The following BRCA1 variants were observed in gnomAD, a reference collection of about 807,000 sequenced individuals.
The protein encoded by BRCA1 is BRCA1 DNA repair associated, also known as breast cancer type 1 susceptibility protein.
Under a neutral mutation model 173.7 loss-of-function variants are expected in BRCA1, and 140 were observed. That is an observed-to-expected ratio of 0.81 (90% CI 0.70 to 0.93). BRCA1 has a LOEUF of 0.93. Ranked by LOEUF, BRCA1 falls within the 40% of genes least tolerant of loss-of-function variation. The pLI, the probability that BRCA1 is intolerant of heterozygous loss-of-function variation, is 0.00. For missense variants in BRCA1, 1,983 were observed against 2,172.5 expected, an observed-to-expected ratio of 0.91 and a Z score of 1.73; for synonymous variants, 662 against 756.0, an observed-to-expected ratio of 0.88 and a Z score of 2.04.
At chr17:43,100,152 C>G (rs1488214895) in intron 6 of BRCA1, among the ~76,000 whole-genome samples, 1 of 152,162 alleles carries the variant, frequency 6.6e-6, no homozygotes, top group East Asian at 1.9e-4. Context: ...CAGAGTGAGA[C>G]CCAGTCTCTA....
At chr17:43,051,691 T>C (rs2051246431) in intron 19 of BRCA1, among the ~76,000 whole-genome samples, 1 of 151,290 alleles carries the variant, frequency 6.6e-6, no homozygotes, top group Non-Finnish European at 1.5e-5. Context: ...GGCTGGAGCG[T>C]AGTGGTGCGA....
intron 1 of BRCA1, among the ~76,000 whole-genome samples, chr17:43,143,091 T>C (rs2056091694): frequency 6.7e-6 from 1 of 150,180 alleles, no homozygotes; most frequent in South Asian, 2.1e-4. Flanking sequence ...TGTGTATATT[T>C]ATTTATTTAT....
At chr17:43,151,802 G>A (rs2056163771) in intron 1 of BRCA1, among the ~76,000 whole-genome samples, 5 of 152,152 alleles carry the variant, frequency 3.3e-5, no homozygotes, top group Admixed American at 3.3e-4. Context: ...AGGCTGAGGA[G>A]GGAAGATCAC....
At position 43,091,858 on chromosome 17, in the gene BRCA1, A is replaced by T. The variant is rs1382025345; in HGVS notation, c.3673T>A (p.Cys1225Ser). Reference protein sequence around the residue: ...NLSSEDEELPCFQHLLFGKVN... With the variant: ...NLSSEDEELPSFQHLLFGKVN... ...TTACCAAATAACAAGTGTTGGAAGC[A>T]GGGAAGCTCTTCATCCTCACTAGAT... The change falls in exon 10 of 23, where the codon TGC (cysteine) becomes AGC (serine). Residue 1225 changes from cysteine to serine, a missense_variant. Coordinates refer to ENST00000357654, the MANE Select transcript of BRCA1 (RefSeq NM_007294.4). The T allele has an allele frequency of 6.2e-7, 1 of 1,614,108 alleles. No homozygotes were observed. The highest frequency in any genetic ancestry group is 8.5e-7 in the Non-Finnish European group (1 of 1,180,042).
At chr17:43,157,790 AG>A (rs2056206954) in intron 1 of BRCA1, among the ~76,000 whole-genome samples, 1 of 152,126 alleles carries the variant, frequency 6.6e-6, no homozygotes, top group Non-Finnish European at 1.5e-5. Context: ...TGAGGCTGGG[AG>A]TTTGAGACCA....
At chr17:43,069,171 T>C (rs1296639755) in intron 15 of BRCA1, among the ~76,000 whole-genome samples, 1 of 152,250 alleles carries the variant, frequency 6.6e-6, no homozygotes, top group East Asian at 1.9e-4. Flanking sequence ...CTCCCCCTTT[T>C]GCTACCACCC....
At chr17:43,048,495 G>A (rs571419990) in intron 21 of BRCA1, among the ~76,000 whole-genome samples, 6 of 146,406 alleles carry the variant, frequency 4.1e-5, no homozygotes, top group East Asian at 2.1e-4. Flanking sequence ...GTGAGCCACC[G>A]CACCTAGCTT....
intron 1 of BRCA1, chr17:43,132,765 ATTTTATTTTT>A (rs1567827650): frequency 8.1e-6 from 1 of 123,524 alleles, no homozygotes; most frequent in Non-Finnish European, 1.7e-5. Flanking sequence ...TCTTTATTTT[ATTTTATTTTT>A]TTTTTTGAGA....
chr17:43,092,452 T>C lies in BRCA1; in HGVS notation c.3079A>G (p.Ser1027Gly). 6.2e-7 allele frequency: 1 copy of C among 1,614,044 alleles called. No individual in the cohort carries two copies. Among genetic ancestry groups the C allele is most frequent in the Non-Finnish European group, 8.5e-7 (1 of 1,180,002 alleles). Residue 1027 changes from serine to glycine, a missense_variant, in exon 10 of 23, where the codon AGC becomes GGC. Coordinates refer to ENST00000357654, the MANE Select transcript of BRCA1 (RefSeq NM_007294.4). ...ENIPSTVSTI[S>G]RNNIRENVFK... ...ACATTTTCTCTAATGTTATTACGGC[T>C]AATTGTGCTCACTGTACTTGGAATG...
upstream of BRCA1, among the ~76,000 whole-genome samples, chr17:43,127,800 G>A (rs2055926068): frequency 6.6e-6 from 1 of 151,928 alleles, no homozygotes; most frequent in Admixed American, 6.6e-5. Context: ...CTAGAGGGGT[G>A]GATCACGAGG....
At chr17:43,107,851 C>T (rs900799759) in intron 3 of BRCA1, among the ~76,000 whole-genome samples, 3 of 152,094 alleles carry the variant, frequency 2.0e-5, no homozygotes, top group South Asian at 2.1e-4. Context: ...TTAAAAGCAG[C>T]GATTCACTCA....
chr17:43,101,346 G>A (rs1345747738), intron 6 of BRCA1, among the ~76,000 whole-genome samples: 2 of 151,724 alleles, frequency 1.3e-5, no homozygotes, highest in Non-Finnish European at 2.9e-5. Context: ...ACATGCGCAC[G>A]CCACCATGCC....
At chr17:43,129,674 C>T (rs778961005), upstream of BRCA1, among the ~76,000 whole-genome samples, 1 of 152,166 alleles carries the variant, frequency 6.6e-6, no homozygotes, top group South Asian at 2.1e-4. Context: ...GGGGGTTTCA[C>T]CGCGTTAGCC....
At chr17:43,067,254 C>T (rs866372186) in intron 16 of BRCA1, 3 of 240,360 alleles carry the variant, frequency 1.2e-5, no homozygotes, top group South Asian at 5.3e-5. Context: ...TATTTTTTCA[C>T]GTTTTTTTTT....
chr17:43,047,591 C>G (rs898858577), intron 22 of BRCA1, 52 bp downstream of exon 22: 5 of 1,595,244 alleles, frequency 3.1e-6, no homozygotes, highest in Non-Finnish European at 4.3e-6. Flanking sequence ...AGTGATAAAC[C>G]AAACCCATGC....
chr17:43,074,452 C>T lies in BRCA1; in HGVS notation c.4554G>A (p.Gln1518=), dbSNP rs786202635. The change falls in exon 14 of 23, where the codon CAG becomes CAA. Residue 1518 remains glutamine (Q), a synonymous_variant. Coordinates refer to ENST00000357654, the MANE Select transcript of BRCA1 (RefSeq NM_007294.4). ...CCTCTTGAGATGGGTAGTTTCTATT[C>T]TGAAGACTCCCAGAGCAACTGTGCA... ...WYMHSCSGSL[Q]NRNYPSQEEL... The T allele has an allele frequency of 1.2e-6, 2 of 1,614,148 alleles. No individual in the cohort carries two copies. The highest frequency in any genetic ancestry group is 1.7e-5 in the Admixed American group (1 of 60,016).
At chr17:43,100,080 AGCACTTT>A (rs2054318071) in intron 6 of BRCA1, among the ~76,000 whole-genome samples, 200 bp from the exon 7 acceptor site, 1 of 152,200 alleles carries the variant, frequency 6.6e-6, no homozygotes. Flanking sequence ...CTATAATCCC[AGCACTTT>A]GGGAGGCTGG....
intron 11 of BRCA1, among the ~76,000 whole-genome samples, chr17:43,085,792 G>A (rs544909272): frequency 1.4e-4 from 21 of 152,242 alleles, no homozygotes; most frequent in African/African-American, 5.1e-4. Context: ...CTGGTCTGGA[G>A]GGAAGCAGAG....
intron 15 of BRCA1, 54 bp downstream of exon 15, chr17:43,070,874 T>C (rs926292653): frequency 1.8e-5 from 29 of 1,591,500 alleles, no homozygotes; most frequent in Non-Finnish European, 2.5e-5. Flanking sequence ...TAAAACTCTT[T>C]CCAGAATGTT....
Sources: gnomAD v4.1 joint callset for allele counts (sites outside exome capture counted in the v4.1 genomes callset) on GRCh38, gnomAD v4.1.1 for gene constraint, MANE v1.5 for transcripts, NCBI Gene and HGNC (gene_info 2026-07-23, HGNC 2026-07-21) for gene names.